Variants in NME8 observed in about 807,000 individuals in gnomAD.
NME8 encodes NME/NM23 family member 8.
NME8 carries 72 observed loss-of-function variants against 82.3 expected under a neutral mutation model. The observed-to-expected ratio is 0.87, with a 90% CI of 0.72 to 1.06. The LOEUF is 1.06. NME8 is among the 50% of genes least tolerant of loss of function. The pLI is 0.00. For missense variants in NME8, 712 were observed against 685.4 expected (o/e 1.04, Z -0.43); for synonymous variants, 267 against 228.5 (o/e 1.17, Z -1.52).
rs918829851 is a variant in NME8, at chr7:37,867,892, A to G, written c.812A>G (p.Gln271Arg). ...ACACCTGGAATGATGAAGAACAAAC[A>G]AGACAGGTATAGCTCAAGACCAGGA... ...QVTPGMMKNK[Q>R]DSLQEYLERQ... Residue 271 changes from glutamine to arginine, a missense_variant, in exon 11 of 18, where the codon CAA (glutamine) becomes CGA (arginine). Coordinates refer to ENST00000199447, the MANE Select transcript of NME8 (RefSeq NM_016616.5). 6.2e-7 allele frequency: 1 copy of G among 1,613,262 alleles called. No homozygotes were observed.
rs1479592634 is a variant in NME8, at chr7:37,867,888, A to G, written c.808A>G (p.Lys270Glu). The stretch of plus-strand genomic sequence containing the variant: ...GGTTACACCTGGAATGATGAAGAAC[A>G]AACAAGACAGGTATAGCTCAAGACC... ...AQVTPGMMKN[K>E]QDSLQEYLER... The change falls in exon 11 of 18, where the codon AAA becomes GAA. Residue 270 changes from lysine (K) to glutamate (E), a missense_variant. Coordinates refer to ENST00000199447, the MANE Select transcript of NME8 (RefSeq NM_016616.5). 6.2e-7 allele frequency: 1 copy of G among 1,613,470 alleles called. No homozygotes were observed. Among genetic ancestry groups the G allele is most frequent in the African/African-American group, 1.3e-5 (1 of 74,906 alleles).
chr7:37,888,146 C>G, intron 14 of NME8, 131 bp from the exon 15 acceptor site: 1 of 883,266 alleles, frequency 1.1e-6, no homozygotes, highest in East Asian at 2.6e-5. Context: ...CATGTACTTA[C>G]TTCCTTTTGC....
At chr7:37,885,515 A>T (rs1189205254) in intron 14 of NME8, among the ~76,000 whole-genome samples, 1 of 152,194 alleles carries the variant, frequency 6.6e-6, no homozygotes, top group Non-Finnish European at 1.5e-5. Flanking sequence ...TCAACAGGTC[A>T]TCTCTTGGGA....
intron 5 of NME8, among the ~76,000 whole-genome samples, chr7:37,854,300 A>C (rs1029911834): frequency 1.3e-5 from 2 of 152,142 alleles, no homozygotes; most frequent in Admixed American, 6.6e-5. Flanking sequence ...GATTACCATA[A>C]AATTCTTCAT....
At chr7:37,871,597 A>C (rs886861045) in intron 11 of NME8, among the ~76,000 whole-genome samples, 1 of 152,116 alleles carries the variant, frequency 6.6e-6, no homozygotes, top group Non-Finnish European at 1.5e-5. Flanking sequence ...AAGACCTACT[A>C]TATGCCAAAT....
chr7:37,849,417 T>A (rs1784406426), intron 2 of NME8, among the ~76,000 whole-genome samples: 1 of 152,182 alleles, frequency 6.6e-6, no homozygotes, highest in Non-Finnish European at 1.5e-5. Context: ...ATTCTTACCT[T>A]GCTTCAGGAC....
At chr7:37,856,346 T>C (rs756801892) in intron 5 of NME8, among the ~76,000 whole-genome samples, 14 of 152,268 alleles carry the variant, frequency 9.2e-5, no homozygotes, top group South Asian at 4.2e-4. Flanking sequence ...AAGAGACATA[T>C]GATTTCTTCC....
intron 15 of NME8, 117 bp from the exon 16 acceptor site, chr7:37,894,349 C>A: frequency 9.4e-7 from 1 of 1,058,796 alleles, no homozygotes; most frequent in Non-Finnish European, 1.4e-6. Context: ...AGAGTTTTGC[C>A]ATGTTAAACC....
intron 14 of NME8, among the ~76,000 whole-genome samples, chr7:37,886,709 G>A (rs1349392): frequency 0.47 from 71,191 of 151,866 alleles, 17,125 homozygotes; most frequent in East Asian, 0.74. Flanking sequence ...AGTAGAGTAA[G>A]TGCTCAGGAT....
intron 6 of NME8, 64 bp from the exon 7 acceptor site, chr7:37,861,962 TTA>T: frequency 1.0e-6 from 1 of 971,894 alleles, no homozygotes; most frequent in Non-Finnish European, 1.7e-6. Context: ...TTAGTCCAGT[TTA>T]AGTGTTAGTT....
At chr7:37,897,185 A>G (rs1480770867) in intron 17 of NME8, 78 bp downstream of exon 17, 2 of 897,904 alleles carry the variant, frequency 2.2e-6, no homozygotes, top group African/African-American at 1.7e-5. Flanking sequence ...TGTCCTAAAA[A>G]GAGAAGAACT....
intron 15 of NME8, among the ~76,000 whole-genome samples, chr7:37,892,364 G>A (rs1328425491): frequency 6.6e-6 from 1 of 151,234 alleles, no homozygotes; most frequent in Non-Finnish European, 1.5e-5. Flanking sequence ...GATTTCACCA[G>A]CTGGAACTAA....
chr7:37,862,671 G>A (rs897808139), intron 7 of NME8, among the ~76,000 whole-genome samples: 12 of 151,572 alleles, frequency 7.9e-5, no homozygotes, highest in African/African-American at 2.9e-4. Flanking sequence ...AGGAAATATC[G>A]TTTTGTTCCA....
In NME8 at chr7:37,888,704, AATG is replaced by A. The variant is rs1785081101; in HGVS notation, c.1399+281_1399+283del. 2.0e-5 allele frequency among the ~76,000 whole-genome samples: 3 copies of A among 152,226 alleles called. No homozygotes were observed. The South Asian group carries it at 6.2e-4, about 32-fold the overall frequency. On this transcript the variant is annotated intron_variant, in intron 15 of 17. Transcript: ENST00000199447. ...TGAAGTCTTTTTCAGAATTTATGAA[AATG>A]ATGAGTTGTTTTTTCCATGGATATA...
chr7:37,886,708 A>G (rs750133037), intron 14 of NME8, among the ~76,000 whole-genome samples: 5 of 152,112 alleles, frequency 3.3e-5, no homozygotes, highest in Admixed American at 6.6e-5. Flanking sequence ...GAGTAGAGTA[A>G]GTGCTCAGGA....
At chr7:37,865,259 G>C (rs910220724) in intron 9 of NME8, among the ~76,000 whole-genome samples, 2 of 152,120 alleles carry the variant, frequency 1.3e-5, no homozygotes, top group African/African-American at 4.8e-5. Context: ...GCAGGTATTG[G>C]GTAAATACAG....
At chr7:37,894,950 T>G (rs1785198543) in intron 16 of NME8, among the ~76,000 whole-genome samples, 1 of 152,064 alleles carries the variant, frequency 6.6e-6, no homozygotes, top group East Asian at 1.9e-4. Context: ...ACATTAGATA[T>G]AGAGGCTGCC....
chr7:37,882,631 G>GA (rs879890228), intron 12 of NME8, among the ~76,000 whole-genome samples: 1 of 128,900 alleles, frequency 7.8e-6, no homozygotes, highest in Admixed American at 8.1e-5. Context: ...AAGAAAGAAA[G>GA]AAAGAAAGAA....
Position 37,868,450 on chromosome 7 carries a change from CA to C in NME8, c.818+553del, listed in dbSNP as rs962102786. On this transcript the variant is annotated intron_variant, in intron 11 of 17. Coordinates refer to ENST00000199447, the MANE Select transcript of NME8 (RefSeq NM_016616.5). ...ATAACTTTTTTTTTAAGCCTGGTAC[CA>C]GATGCCAGCTTTAAATAATAGGGAA... Among the ~76,000 whole-genome samples, 26 of 152,030 alleles carry C rather than the reference CA, an allele frequency of 1.7e-4. 1 individual carries two copies. The highest frequency in any genetic ancestry group is 1.1e-3 in the Admixed American group (17 of 15,272).
Sources: gnomAD v4.1 joint callset for allele counts (sites outside exome capture counted in the v4.1 genomes callset) on GRCh38, gnomAD v4.1.1 for gene constraint, MANE v1.5 for transcripts, NCBI Gene and HGNC (gene_info 2026-07-23, HGNC 2026-07-21) for gene names.